Variants in ATL2 observed in about 807,000 individuals in gnomAD.
The protein encoded by ATL2 is atlastin-2.
A neutral mutation model predicts 73.9 loss-of-function variants in ATL2; 31 were observed. That is an observed-to-expected ratio of 0.42 (90% CI 0.32 to 0.57). ATL2 has a LOEUF of 0.57. Ranked by LOEUF, ATL2 falls within the 20% of genes least tolerant of loss-of-function variation. The probability of loss-of-function intolerance (pLI) is 0.14; values close to 1 mark genes in which losing one functional copy is unlikely to be tolerated. For missense variants in ATL2, 738 were observed against 702.6 expected (o/e 1.05, Z -0.57); for synonymous variants, 291 against 237.5 (o/e 1.23, Z -2.07).
chr2:38,337,155 T>C (rs1669404337), intron 2 of ATL2, among the ~76,000 whole-genome samples: 1 of 151,482 alleles, frequency 6.6e-6, no homozygotes. Flanking sequence ...CCAATCACAA[T>C]GTGGACTATT....
intron 10 of ATL2, among the ~76,000 whole-genome samples, chr2:38,299,556 G>C (rs1424070667): frequency 6.6e-6 from 1 of 152,272 alleles, no homozygotes; most frequent in South Asian, 2.1e-4. Flanking sequence ...ATGTTAAAGT[G>C]TGTCTGCAGA....
At chr2:38,370,196 C>T (rs925195595) in intron 1 of ATL2, among the ~76,000 whole-genome samples, 5 of 145,168 alleles carry the variant, frequency 3.4e-5, no homozygotes, top group African/African-American at 7.7e-5. Context: ...ACCGGGCGGT[C>T]GCTCACACCT....
At chr2:38,358,625 G>C (rs964761486) in intron 1 of ATL2, 1 of 239,510 alleles carries the variant, frequency 4.2e-6, no homozygotes, top group Non-Finnish European at 9.0e-6. Context: ...CCAAGAGGCG[G>C]AGCTTGCAGT....
chr2:38,351,956 A>C (rs1380103362), intron 1 of ATL2, among the ~76,000 whole-genome samples: 3 of 151,742 alleles, frequency 2.0e-5, no homozygotes, highest in Non-Finnish European at 4.4e-5. Context: ...TACTAAAAAT[A>C]CAAAAATTAG....
chr2:38,328,067 A>G (rs750671587), intron 2 of ATL2, among the ~76,000 whole-genome samples: 6 of 152,244 alleles, frequency 3.9e-5, no homozygotes, highest in Admixed American at 3.3e-4. Context: ...CCATGCCAAC[A>G]CTAATCAAAA....
chr2:38,299,188 T>TG (rs1306771438), intron 11 of ATL2, 68 bp downstream of exon 11: 3 of 1,388,670 alleles, frequency 2.2e-6, no homozygotes, highest in Non-Finnish European at 2.8e-6. Flanking sequence ...AAAAATTTTT[T>TG]TAATTTTTTT....
chr2:38,354,199 A>C (rs540841501), intron 1 of ATL2: 1 of 433,832 alleles, frequency 2.3e-6, no homozygotes, highest in African/African-American at 2.2e-5. Context: ...AAAAGCAAAG[A>C]GTATCTGTCA....
intron 5 of ATL2, 83 bp downstream of exon 5, chr2:38,315,201 A>C: frequency 7.7e-7 from 1 of 1,301,766 alleles, no homozygotes; most frequent in Non-Finnish European, 9.9e-7. Flanking sequence ...CAGTGAACCA[A>C]GATTGTGCCA....
chr2:38,330,071 G>A (rs1209004742), intron 2 of ATL2, among the ~76,000 whole-genome samples: 4 of 152,060 alleles, frequency 2.6e-5, no homozygotes, highest in African/African-American at 9.7e-5. Flanking sequence ...AGAGGTTGCA[G>A]TGAGCCGAGA....
chr2:38,316,278 T>C (rs1668019858), intron 4 of ATL2, among the ~76,000 whole-genome samples: 1 of 152,238 alleles, frequency 6.6e-6, no homozygotes, highest in Non-Finnish European at 1.5e-5. Context: ...AAGTAATTGA[T>C]GACTGAGGTG....
At chr2:38,376,764 G>A (rs929322023) in intron 1 of ATL2, among the ~76,000 whole-genome samples, 8 of 151,988 alleles carry the variant, frequency 5.3e-5, no homozygotes, top group African/African-American at 9.6e-5. Context: ...CTCGCCGGAC[G>A]GAGCGGAGCC....
chr2:38,370,884 G>A (rs1177986629), intron 1 of ATL2, among the ~76,000 whole-genome samples: 1 of 151,722 alleles, frequency 6.6e-6, no homozygotes, highest in Non-Finnish European at 1.5e-5. Context: ...GTGCACCCCA[G>A]AAGTTCAAGG....
At chr2:38,349,824 T>A (rs1487071939) in intron 1 of ATL2, among the ~76,000 whole-genome samples, 1 of 152,180 alleles carries the variant, frequency 6.6e-6, no homozygotes, top group African/African-American at 2.4e-5. Flanking sequence ...ACAGAATGTG[T>A]CTACATATTT....
rs575889433 is a variant in ATL2, at chr2:38,335,766, G to C, written c.363+7502C>G. On this transcript the variant is annotated intron_variant, in intron 2 of 12. Transcript: ENST00000378954. Reference sequence around the variant, plus strand: ...CAATAAAAAATAAATAATAGGCCGGGCGCGGTGGCTCACGCCTGTAATCCC... The same window carrying C: ...CAATAAAAAATAAATAATAGGCCGGCCGCGGTGGCTCACGCCTGTAATCCC... Among the ~76,000 whole-genome samples the C allele has an allele frequency of 7.6e-4, 116 of 152,270 alleles. 1 individual carries two copies. The highest frequency in any genetic ancestry group is 2.6e-3 in the African/African-American group (106 of 41,538).
intron 1 of ATL2, among the ~76,000 whole-genome samples, chr2:38,345,213 T>C (rs1367016156): frequency 6.6e-6 from 1 of 152,174 alleles, no homozygotes; most frequent in African/African-American, 2.4e-5. Context: ...TAAGGACACA[T>C]ACGGTATCCA....
chr2:38,299,189 TA>T, intron 11 of ATL2, 66 bp downstream of exon 11: 1 of 1,387,420 alleles, frequency 7.2e-7, no homozygotes, highest in Non-Finnish European at 9.4e-7. Flanking sequence ...AAAATTTTTT[TA>T]ATTTTTTTTT....
intron 1 of ATL2, among the ~76,000 whole-genome samples, chr2:38,347,497 C>T (rs1670091501): frequency 6.6e-6 from 1 of 152,150 alleles, no homozygotes; most frequent in Non-Finnish European, 1.5e-5. Context: ...TCACAGATCC[C>T]TTTCCTTAAC....
intron 10 of ATL2, 42 bp from the exon 11 acceptor site, chr2:38,299,369 A>G: frequency 6.7e-7 from 1 of 1,501,330 alleles, no homozygotes; most frequent in Non-Finnish European, 8.8e-7. Context: ...AAAATACTCT[A>G]TGACTCTAAA....
intron 2 of ATL2, 35 bp downstream of exon 2, chr2:38,343,233 C>G (rs370640607): frequency 8.3e-7 from 1 of 1,211,554 alleles, no homozygotes; most frequent in Non-Finnish European, 1.0e-6. Context: ...GTACTTTTTT[C>G]TTTTTAATTG....
Sources: allele counts gnomAD v4.1 joint callset (sites outside exome capture counted in the v4.1 genomes callset), GRCh38; gene constraint gnomAD v4.1.1; transcripts MANE v1.5; gene names NCBI Gene and HGNC (gene_info 2026-07-23, HGNC 2026-07-21).